INPP4B: variants seen among roughly 807,000 people sequenced by gnomAD.
INPP4B encodes the protein inositol polyphosphate 4-phosphatase type II.
INPP4B carries 55 observed loss-of-function variants against 122.5 expected under a neutral mutation model. That is an observed-to-expected ratio of 0.45 (90% CI 0.36 to 0.56). INPP4B has a LOEUF of 0.56. Among genes scored for constraint, INPP4B ranks in the 20% least tolerant of loss-of-function variants. The probability of loss-of-function intolerance (pLI) is 0.00; values close to 1 mark genes in which losing one functional copy is unlikely to be tolerated. For missense variants in INPP4B, 1,000 were observed against 1,097.7 expected (o/e 0.91, Z 1.26); for synonymous variants, 403 against 388.7 (o/e 1.04, Z -0.43).
At chr4:142,642,814 G>T (rs1248877413) in intron 2 of INPP4B, among the ~76,000 whole-genome samples, 1 of 152,168 alleles carries the variant, frequency 6.6e-6, no homozygotes, top group Non-Finnish European at 1.5e-5. Flanking sequence ...GAAAGTTATG[G>T]GTAGCTTGAT....
chr4:142,699,584 C>T (rs550750342), intron 2 of INPP4B, among the ~76,000 whole-genome samples: 5 of 152,230 alleles, frequency 3.3e-5, no homozygotes, highest in African/African-American at 1.2e-4. Flanking sequence ...TCTTCAATGG[C>T]AAATATATTA....
At chr4:142,845,728 C>CCGGCGGCGGCGG (rs78589959) in intron 1 of INPP4B, among the ~76,000 whole-genome samples, 18 of 151,440 alleles carry the variant, frequency 1.2e-4, no homozygotes, top group Middle Eastern at 6.8e-3. Flanking sequence ...TCTTCCCAGG[C>CCGGCGGCGGCGG]CGGCGGCGGC....
intron 14 of INPP4B, among the ~76,000 whole-genome samples, chr4:142,207,398 A>G (rs1843003576): frequency 6.6e-6 from 1 of 152,116 alleles, no homozygotes; most frequent in South Asian, 2.1e-4. Flanking sequence ...ACCAGTTTAC[A>G]TTTTCACTAA....
intron 11 of INPP4B, among the ~76,000 whole-genome samples, chr4:142,254,609 G>C (rs944321798): frequency 6.6e-6 from 1 of 152,066 alleles, no homozygotes; most frequent in African/African-American, 2.4e-5. Flanking sequence ...TATCAGCGAT[G>C]GAAGATGAAA....
At chr4:142,280,550 G>A (rs1750730016) in intron 9 of INPP4B, among the ~76,000 whole-genome samples, 1 of 151,828 alleles carries the variant, frequency 6.6e-6, no homozygotes, top group East Asian at 1.9e-4. Context: ...GTGTGAAGGG[G>A]TTTCTTTGTG....
chr4:142,245,264 G>C (rs1727366511), intron 11 of INPP4B, among the ~76,000 whole-genome samples: 1 of 152,088 alleles, frequency 6.6e-6, no homozygotes. Context: ...AGTGCTTTTG[G>C]TGTTTTAGTC....
At chr4:142,600,694 T>A (rs189902313) in intron 2 of INPP4B, among the ~76,000 whole-genome samples, 141 of 152,234 alleles carry the variant, frequency 9.3e-4, no homozygotes, top group African/African-American at 3.2e-3. Context: ...AAACCTCACA[T>A]ATCAATAACA....
chr4:142,275,466 T>C (rs1747941907), intron 9 of INPP4B, among the ~76,000 whole-genome samples: 1 of 151,622 alleles, frequency 6.6e-6, no homozygotes, highest in South Asian at 2.1e-4. Flanking sequence ...ATTTAAACCA[T>C]CTAGACATGT....
At chr4:142,332,800 C>G (rs964535932) in intron 7 of INPP4B, among the ~76,000 whole-genome samples, 2 of 149,028 alleles carry the variant, frequency 1.3e-5, no homozygotes, top group East Asian at 2.0e-4. Context: ...GTCAGGAGAT[C>G]GAGACCAACC....
intron 7 of INPP4B, among the ~76,000 whole-genome samples, chr4:142,382,208 A>G (rs945991996): frequency 2.0e-5 from 3 of 152,124 alleles, no homozygotes; most frequent in Non-Finnish European, 4.4e-5. Flanking sequence ...ATATTGTTCA[A>G]TAATATTTTA....
intron 2 of INPP4B, among the ~76,000 whole-genome samples, chr4:142,678,543 T>C (rs1758140939): frequency 6.6e-6 from 1 of 151,888 alleles, no homozygotes; most frequent in Non-Finnish European, 1.5e-5. Context: ...AGGTTTATTT[T>C]GGCTCTGAAA....
At chr4:142,771,787 C>G (rs764191861) in intron 1 of INPP4B, among the ~76,000 whole-genome samples, 7 of 152,112 alleles carry the variant, frequency 4.6e-5, no homozygotes, top group Non-Finnish European at 1.0e-4. Context: ...TACCAGTATT[C>G]TGCAAGGATT....
chr4:142,743,876 G>T (rs1034967478), intron 1 of INPP4B, among the ~76,000 whole-genome samples: 1 of 151,614 alleles, frequency 6.6e-6, no homozygotes. Flanking sequence ...TCTACTAAAC[G>T]TTTTTACCAT....
At chr4:142,714,924 ATGT>A (rs1763571982) in intron 2 of INPP4B, among the ~76,000 whole-genome samples, 1 of 152,210 alleles carries the variant, frequency 6.6e-6, no homozygotes, top group African/African-American at 2.4e-5. Context: ...TTAATAAGAA[ATGT>A]TATTATATAT....
chr4:142,459,311 G>T (rs952800557), intron 3 of INPP4B, among the ~76,000 whole-genome samples: 2 of 151,022 alleles, frequency 1.3e-5, no homozygotes, highest in East Asian at 1.9e-4. Flanking sequence ...AAAAACAAAG[G>T]TGATAAGATC....
chr4:142,739,395 A>C (rs1298025951), intron 1 of INPP4B, among the ~76,000 whole-genome samples: 1 of 152,070 alleles, frequency 6.6e-6, no homozygotes, highest in Non-Finnish European at 1.5e-5. Flanking sequence ...GAATTTGTCC[A>C]ATAGGAAAAT....
chr4:142,086,880 A>G (rs564048237), intron 23 of INPP4B, among the ~76,000 whole-genome samples: 1 of 152,348 alleles, frequency 6.6e-6, no homozygotes, highest in East Asian at 1.9e-4. Flanking sequence ...AGCATAAGAC[A>G]TAGATGTCAT....
At chr4:142,504,778 T>C (rs1169149555) in intron 2 of INPP4B, among the ~76,000 whole-genome samples, 1 of 152,130 alleles carries the variant, frequency 6.6e-6, no homozygotes, top group Non-Finnish European at 1.5e-5. Flanking sequence ...ATATGTGCAA[T>C]GTAAATGATT....
chr4:142,531,304 G>T (rs1157840781), intron 2 of INPP4B, among the ~76,000 whole-genome samples: 2 of 151,900 alleles, frequency 1.3e-5, no homozygotes, highest in Non-Finnish European at 2.9e-5. Flanking sequence ...AAGGAAAGAA[G>T]GGAGGGGAGA....
Sources: gnomAD v4.1 joint callset for allele counts (sites outside exome capture counted in the v4.1 genomes callset) on GRCh38, gnomAD v4.1.1 for gene constraint, MANE v1.5 for transcripts, NCBI Gene and HGNC (gene_info 2026-07-23, HGNC 2026-07-21) for gene names.